The following ADAM23 variants were observed in gnomAD, a reference collection of about 807,000 sequenced individuals.
The protein encoded by ADAM23 is disintegrin and metalloproteinase domain-containing protein 23.
ADAM23 carries 33 observed loss-of-function variants against 120.1 expected under a neutral mutation model. The observed-to-expected ratio is 0.27, with a 90% CI of 0.21 to 0.37. The LOEUF is 0.37. ADAM23 is among the 10% of genes least tolerant of loss of function. ADAM23 has a pLI of 1.00. For missense variants in ADAM23, 862 were observed against 1,058.2 expected (o/e 0.81, Z 2.57); for synonymous variants, 367 against 375.2 (o/e 0.98, Z 0.25).
At chr2:206,478,643 C>T (rs1695833358) in intron 2 of ADAM23, among the ~76,000 whole-genome samples, 3 of 152,144 alleles carry the variant, frequency 2.0e-5, no homozygotes, top group Admixed American at 6.5e-5. Context: ...TCATAAATGT[C>T]ACTGATCATG....
chr2:206,616,350 C>T (rs556783499), intron 25 of ADAM23, among the ~76,000 whole-genome samples: 9 of 152,282 alleles, frequency 5.9e-5, no homozygotes, highest in South Asian at 2.1e-4. Flanking sequence ...AGCATTGTTG[C>T]AGATAGTGTT....
At chr2:206,516,462 T>C (rs1278438763) in intron 3 of ADAM23, among the ~76,000 whole-genome samples, 1 of 152,078 alleles carries the variant, frequency 6.6e-6, no homozygotes. Flanking sequence ...TCTCACAGTT[T>C]TGGAGGCTAG....
chr2:206,516,715 GA>G (rs1696739448), intron 3 of ADAM23, among the ~76,000 whole-genome samples: 1 of 152,072 alleles, frequency 6.6e-6, no homozygotes, highest in African/African-American at 2.4e-5. Flanking sequence ...CTCAATATAT[GA>G]ATTTTGGGAG....
intron 24 of ADAM23, among the ~76,000 whole-genome samples, chr2:206,604,337 G>T (rs1698693461): frequency 6.6e-6 from 1 of 152,214 alleles, no homozygotes; most frequent in Non-Finnish European, 1.5e-5. Context: ...GAAAGCAAGG[G>T]TTTTCTAAGG....
At chr2:206,466,393 T>C (rs926557726) in intron 2 of ADAM23, among the ~76,000 whole-genome samples, 1 of 152,224 alleles carries the variant, frequency 6.6e-6, no homozygotes, top group Non-Finnish European at 1.5e-5. Flanking sequence ...GACACTGTCC[T>C]AATTAAAAAT....
At chr2:206,542,531 C>T (rs1697312824) in intron 5 of ADAM23, among the ~76,000 whole-genome samples, 1 of 151,996 alleles carries the variant, frequency 6.6e-6, no homozygotes, top group African/African-American at 2.4e-5. Flanking sequence ...TTGGAGTTAG[C>T]CAGGCAAGGG....
chr2:206,483,246 G>C (rs1309001295), intron 3 of ADAM23, among the ~76,000 whole-genome samples: 2 of 152,174 alleles, frequency 1.3e-5, no homozygotes, highest in East Asian at 3.8e-4. Context: ...TACCTCGATT[G>C]GTTGGTTGGT....
At chr2:206,597,219 G>A (rs1204237690) in intron 24 of ADAM23, among the ~76,000 whole-genome samples, 6 of 137,708 alleles carry the variant, frequency 4.4e-5, no homozygotes, top group Non-Finnish European at 9.2e-5. Context: ...CGACTCTGTC[G>A]ACCAGGCTGG....
chr2:206,484,466 T>A (rs1695963594), intron 3 of ADAM23, among the ~76,000 whole-genome samples: 1 of 152,218 alleles, frequency 6.6e-6, no homozygotes, highest in Non-Finnish European at 1.5e-5. Context: ...GAGTGCTTTG[T>A]CACTGCAGAG....
intron 24 of ADAM23, among the ~76,000 whole-genome samples, chr2:206,599,791 ATTTGT>A (rs1242740301): frequency 6.6e-6 from 1 of 152,232 alleles, no homozygotes; most frequent in Admixed American, 6.5e-5. Context: ...ATCCATATTC[ATTTGT>A]TTTGTTGCCT....
At chr2:206,582,444 G>A (rs534503169) in intron 18 of ADAM23, among the ~76,000 whole-genome samples, 1 of 152,140 alleles carries the variant, frequency 6.6e-6, no homozygotes, top group South Asian at 2.1e-4. Flanking sequence ...TATGTGTCAG[G>A]TGAGTCTCCT....
At chr2:206,569,375 C>T (rs964646176) in intron 15 of ADAM23, among the ~76,000 whole-genome samples, 1 of 152,074 alleles carries the variant, frequency 6.6e-6, no homozygotes, top group East Asian at 1.9e-4. Context: ...CTACGTAGTA[C>T]AATGGTTAAT....
rs563588887 is a variant in ADAM23, at chr2:206,520,890, T to G, written c.510-9995T>G. ...GTTTCTAAACCCACCTTTTCAACAC[T>G]ATTGCCCCATATCACTGATGCCCCA... On this transcript the variant is annotated intron_variant, in intron 3 of 25. Transcript: ENST00000264377. Among the ~76,000 whole-genome samples the G allele has an allele frequency of 2.6e-5, 4 of 152,214 alleles. No homozygotes were observed. In the East Asian group the frequency reaches 7.7e-4, roughly 29 times the overall value.
At chr2:206,466,985 A>T (rs533376533) in intron 2 of ADAM23, among the ~76,000 whole-genome samples, 1 of 147,238 alleles carries the variant, frequency 6.8e-6, no homozygotes, top group Non-Finnish European at 1.5e-5. Context: ...ACCAGCTCTC[A>T]TGAGAACTCA....
In ADAM23 at chr2:206,585,431, G is replaced by A. The variant is rs547927611; in HGVS notation, c.1738-1894G>A. 5.3e-5 allele frequency among the ~76,000 whole-genome samples: 8 copies of A among 152,302 alleles called. No homozygotes were observed. In the South Asian group the frequency reaches 6.2e-4, roughly 12 times the overall value. On this transcript the variant is annotated intron_variant, in intron 18 of 25. Transcript: ENST00000264377. ...ACTCACCAGATTGAAAAGCTGTGGC[G>A]AATGAAACATTTATGAGAGTCAGTT...
chr2:206,570,412 A>G (rs898633510), intron 15 of ADAM23, among the ~76,000 whole-genome samples: 2 of 152,314 alleles, frequency 1.3e-5, no homozygotes, highest in South Asian at 4.1e-4. Context: ...AATGCATTTT[A>G]GCTCCATTAG....
intron 3 of ADAM23, among the ~76,000 whole-genome samples, chr2:206,500,412 ATTATGTTCAT>A (rs1696363676): frequency 6.6e-6 from 1 of 152,198 alleles, no homozygotes. Context: ...GATAATGGAT[ATTATGTTCAT>A]GAAAAATCGG....
At chr2:206,499,662 T>TA (rs1161442507) in intron 3 of ADAM23, among the ~76,000 whole-genome samples, 4 of 151,674 alleles carry the variant, frequency 2.6e-5, no homozygotes, top group Non-Finnish European at 5.9e-5. Flanking sequence ...ATAAATAAAA[T>TA]AAAAAAAATT....
rs1206662443 is a variant in ADAM23, at chr2:206,596,132, C to T, written c.2329C>T (p.Leu777Phe). The T allele has an allele frequency of 1.9e-6, 3 of 1,614,070 alleles. No homozygotes were observed. The South Asian group carries it at 3.3e-5, about 18-fold the overall frequency. ...DCSIRDPVRN[L>F]HPPKDEGPKG... ...CAGTATCCGGGATCCAGTTAGGAAC[C>T]TTCACCCCCCCAAGGATGAAGGACC... Residue 777 changes from leucine to phenylalanine, a missense_variant, in exon 24 of 26, where the codon CTT becomes TTT. Transcript: ENST00000264377.
Sources: allele counts gnomAD v4.1 joint callset (sites outside exome capture counted in the v4.1 genomes callset), GRCh38; gene constraint gnomAD v4.1.1; transcripts MANE v1.5; gene names NCBI Gene and HGNC (gene_info 2026-07-23, HGNC 2026-07-21).